Variants in CDH10 observed in about 807,000 individuals in gnomAD.
CDH10 encodes cadherin-10.
CDH10 carries 30 observed loss-of-function variants against 73.1 expected under a neutral mutation model. That is an observed-to-expected ratio of 0.41 (90% CI 0.31 to 0.56). The LOEUF (loss-of-function observed/expected upper bound fraction) is 0.56. Among genes scored for constraint, CDH10 ranks in the 20% least tolerant of loss-of-function variants. The pLI is 0.27. For missense variants in CDH10, 815 were observed against 973.7 expected (o/e 0.84, Z 2.17); for synonymous variants, 345 against 348.2 (o/e 0.99, Z 0.10).
intron 1 of CDH10, among the ~76,000 whole-genome samples, chr5:24,606,293 A>G (rs1350222565): frequency 6.6e-6 from 1 of 152,128 alleles, no homozygotes; most frequent in Non-Finnish European, 1.5e-5. Context: ...AATCACAATG[A>G]GCTATCATCT....
At position 24,593,330 on chromosome 5, in the gene CDH10, CG is replaced by C; in HGVS notation, c.160del (p.Arg54ValfsTer22). On this transcript the variant is annotated frameshift_variant, in exon 2 of 12. Transcript: ENST00000264463. LOFTEE classifies it high-confidence loss of function. ...GAAAAATTGATTCCACATCCAACCACGTTTTTGACGATGGAGAATTTTGCCA... is the reference window on the plus strand; with the variant it reads ...GAAAAATTGATTCCACATCCAACCACTTTTTGACGATGGAGAATTTTGCCA... ...SDGKILHRQKRGWMWNQFFLL... is the reference protein window; with the variant it reads ...SDGKILHRQKXGWMWNQFFLL... The C allele has an allele frequency of 6.2e-7, 1 of 1,613,102 alleles. No individual in the cohort carries two copies. Among genetic ancestry groups the C allele is most frequent in the Non-Finnish European group, 8.5e-7 (1 of 1,179,226 alleles).
At chr5:24,585,467 G>C (rs1022511941) in intron 2 of CDH10, among the ~76,000 whole-genome samples, 29 of 152,238 alleles carry the variant, frequency 1.9e-4, no homozygotes, top group African/African-American at 7.0e-4. Context: ...TTGTTACCCA[G>C]GCTGGAGTGC....
At chr5:24,504,745 G>C (rs923390409) in intron 8 of CDH10, among the ~76,000 whole-genome samples, 16 of 151,440 alleles carry the variant, frequency 1.1e-4, no homozygotes, top group South Asian at 2.1e-4. Context: ...AGGATGGTCT[G>C]GATCTCCTGA....
intron 1 of CDH10, among the ~76,000 whole-genome samples, chr5:24,607,126 A>G (rs990458851): frequency 6.6e-6 from 1 of 152,188 alleles, no homozygotes; most frequent in Non-Finnish European, 1.5e-5. Context: ...TGCATAAAAT[A>G]TGAGGGCTCT....
intron 7 of CDH10, among the ~76,000 whole-genome samples, chr5:24,507,031 T>A (rs1308852698): frequency 6.6e-6 from 1 of 152,110 alleles, no homozygotes; most frequent in Non-Finnish European, 1.5e-5. Flanking sequence ...TGGAAAGTTA[T>A]GTGTGTTAAC....
chr5:24,509,193 C>CT lies in CDH10; in HGVS notation c.1256+372dup, dbSNP rs34197649. 6.8e-3 allele frequency among the ~76,000 whole-genome samples: 739 copies of CT among 109,398 alleles called. 4 individuals carry two copies. The highest frequency in any genetic ancestry group is 0.015 in the African/African-American group (440 of 29,336). 71.8% of individuals were successfully genotyped at this position (109,398 alleles called of 152,430 possible). On this transcript the variant is annotated intron_variant, in intron 7 of 11. Transcript: ENST00000264463. ...TTGATCTGTATATGTATTTCAACTG[C>CT]TTTTTTTTTTTTTTTCATTTTAAAC... is the stretch of plus-strand genomic sequence containing the variant.
At chr5:24,602,016 T>C (rs1284175630) in intron 1 of CDH10, among the ~76,000 whole-genome samples, 1 of 152,158 alleles carries the variant, frequency 6.6e-6, no homozygotes, top group Non-Finnish European at 1.5e-5. Flanking sequence ...TGTATGTATG[T>C]CTGACTTTTT....
At chr5:24,586,224 C>T (rs950275590) in intron 2 of CDH10, among the ~76,000 whole-genome samples, 1 of 152,076 alleles carries the variant, frequency 6.6e-6, no homozygotes, top group Non-Finnish European at 1.5e-5. Flanking sequence ...TTTATGTAAT[C>T]TATAAATGCA....
At chr5:24,583,355 C>T (rs2112062542) in intron 2 of CDH10, among the ~76,000 whole-genome samples, 1 of 151,936 alleles carries the variant, frequency 6.6e-6, no homozygotes, top group African/African-American at 2.4e-5. Flanking sequence ...AAGAAGAAAA[C>T]TAGGGATATC....
intron 11 of CDH10, among the ~76,000 whole-genome samples, chr5:24,490,989 T>C (rs1272512932): frequency 2.0e-5 from 3 of 152,168 alleles, no homozygotes; most frequent in Non-Finnish European, 4.4e-5. Context: ...CCTACTATTA[T>C]CTTCCATCTC....
chr5:24,498,021 T>G (rs2111679888), intron 9 of CDH10, among the ~76,000 whole-genome samples: 1 of 152,316 alleles, frequency 6.6e-6, no homozygotes, highest in African/African-American at 2.4e-5. Flanking sequence ...TTGTCTCTTG[T>G]TTTCCACAGC....
At chr5:24,580,190 G>T (rs1272688052) in intron 2 of CDH10, among the ~76,000 whole-genome samples, 1 of 151,988 alleles carries the variant, frequency 6.6e-6, no homozygotes, top group Non-Finnish European at 1.5e-5. Flanking sequence ...GTGCAGGTTT[G>T]TTATATAGGT....
intron 8 of CDH10, among the ~76,000 whole-genome samples, chr5:24,504,506 C>CTTTTTTTTTTTT (rs70965605): frequency 3.1e-5 from 2 of 65,160 alleles, no homozygotes; most frequent in Admixed American, 1.6e-4. Context: ...TCCTATTAAT[C>CTTTTTTTTTTTT]TTTTTTTTTT....
intron 10 of CDH10, among the ~76,000 whole-genome samples, chr5:24,492,388 GTAC>G (rs1742091567): frequency 6.6e-6 from 1 of 152,132 alleles, no homozygotes; most frequent in Non-Finnish European, 1.5e-5. Flanking sequence ...CAATGCCTTC[GTAC>G]TGAATCACCT....
chr5:24,605,327 G>A (rs1746724097), intron 1 of CDH10, among the ~76,000 whole-genome samples: 1 of 152,188 alleles, frequency 6.6e-6, no homozygotes, highest in South Asian at 2.1e-4. Flanking sequence ...CACCTGAGTT[G>A]CACCTCCTGT....
intron 2 of CDH10, among the ~76,000 whole-genome samples, chr5:24,546,726 A>T (rs1744356693): frequency 2.0e-5 from 3 of 152,164 alleles, no homozygotes; most frequent in South Asian, 4.1e-4. Flanking sequence ...TATTTTTGTA[A>T]TTTTTTCTGA....
At chr5:24,557,956 T>TTTCTAATTCTAATTCTAA (rs1286978859) in intron 2 of CDH10, among the ~76,000 whole-genome samples, 1 of 151,750 alleles carries the variant, frequency 6.6e-6, no homozygotes, top group Non-Finnish European at 1.5e-5. Context: ...GGCTTAAAAC[T>TTTCTAATTCTAATTCTAA]TTCAACCACC....
At position 24,535,774 on chromosome 5, in the gene CDH10, T is replaced by C. The variant is rs1215163764; in HGVS notation, c.575A>G (p.Tyr192Cys). ...VTATDADDPS[Y>C]GNSARVIYSI... The stretch of plus-strand genomic sequence containing the variant: ...GTAAATGACTCTGGCGCTGTTCCCA[T>C]ATGAAGGGTCATCGGCATCTGTAGC... Residue 192 changes from tyrosine to cysteine, a missense_variant, in exon 4 of 12, where the codon TAT (tyrosine) becomes TGT (cysteine). By Grantham distance (194) the Tyr-to-Cys change is radical. Coordinates refer to ENST00000264463, the MANE Select transcript of CDH10 (RefSeq NM_006727.5). 2 of 1,610,300 alleles carry C rather than the reference T, an allele frequency of 1.2e-6. No homozygotes were observed. The highest frequency in any genetic ancestry group is 1.7e-6 in the Non-Finnish European group (2 of 1,177,190).
chr5:24,527,746 A>G (rs1294269542), intron 5 of CDH10, among the ~76,000 whole-genome samples: 1 of 151,894 alleles, frequency 6.6e-6, no homozygotes, highest in African/African-American at 2.4e-5. Flanking sequence ...TCCGTCATTG[A>G]CTGAAATGTC....
Sources: gnomAD v4.1 joint callset for allele counts (sites outside exome capture counted in the v4.1 genomes callset) on GRCh38, gnomAD v4.1.1 for gene constraint, MANE v1.5 for transcripts, NCBI Gene and HGNC (gene_info 2026-07-23, HGNC 2026-07-21) for gene names.